NRG1: variants seen among roughly 807,000 people sequenced by gnomAD.
The protein encoded by NRG1 is pro-neuregulin-1, membrane-bound isoform.
In NRG1, 18 loss-of-function variants were observed where a neutral mutation model predicts 63.8. The observed-to-expected ratio is 0.28, with a 90% confidence interval of 0.19 to 0.42. The LOEUF is 0.42. Ranked by LOEUF, NRG1 falls within the 10% of genes least tolerant of loss-of-function variation. NRG1 has a pLI of 1.00. For missense variants in NRG1, 762 were observed against 814.7 expected, an observed-to-expected ratio of 0.94 and a Z score of 0.79; for synonymous variants, 302 against 301.3, an observed-to-expected ratio of 1.00 and a Z score of -0.02.
At chr8:32,343,326 A>G (rs780008636) in intron 1 of NRG1, among the ~76,000 whole-genome samples, 1 of 152,192 alleles carries the variant, frequency 6.6e-6, no homozygotes, top group Non-Finnish European at 1.5e-5. Flanking sequence ...AGAGAATAAT[A>G]TCATATTTAA....
chr8:31,956,731 A>G (rs1804502682), intron 1 of NRG1, among the ~76,000 whole-genome samples: 1 of 152,252 alleles, frequency 6.6e-6, no homozygotes. Context: ...TCTTGTAAGC[A>G]GCAGAACTGG....
chr8:32,484,808 T>A (rs1226138288), intron 1 of NRG1, among the ~76,000 whole-genome samples: 1 of 152,216 alleles, frequency 6.6e-6, no homozygotes. Context: ...TGGAAACATT[T>A]CATGTTTAGA....
intron 1 of NRG1, among the ~76,000 whole-genome samples, chr8:32,152,995 A>G (rs561516924): frequency 5.3e-5 from 8 of 152,198 alleles, no homozygotes; most frequent in Admixed American, 1.3e-4. Flanking sequence ...GAGAAGGCAT[A>G]CTGTATTATG....
At chr8:32,060,345 G>A (rs913179640) in intron 1 of NRG1, among the ~76,000 whole-genome samples, 4 of 151,696 alleles carry the variant, frequency 2.6e-5, no homozygotes, top group Non-Finnish European at 4.4e-5. Flanking sequence ...TGGGAATAGA[G>A]GAAACAGAGG....
intron 1 of NRG1, among the ~76,000 whole-genome samples, chr8:32,072,233 A>G (rs1825853209): frequency 6.6e-6 from 1 of 151,490 alleles, no homozygotes. Flanking sequence ...AGAACACCAG[A>G]GAACCACTCT....
chr8:32,527,992 T>C (rs1831051404), intron 1 of NRG1, among the ~76,000 whole-genome samples: 1 of 152,194 alleles, frequency 6.6e-6, no homozygotes, highest in Non-Finnish European at 1.5e-5. Flanking sequence ...GACTGGTACA[T>C]GTGCCGTTCC....
At chr8:32,329,973 A>C (rs960723556) in intron 1 of NRG1, among the ~76,000 whole-genome samples, 18 of 146,112 alleles carry the variant, frequency 1.2e-4, no homozygotes, top group Non-Finnish European at 1.9e-4. Context: ...CCCTGACCAC[A>C]AAGGGATCCT....
intron 1 of NRG1, among the ~76,000 whole-genome samples, chr8:32,571,985 T>C (rs1838684534): frequency 6.6e-6 from 1 of 152,194 alleles, no homozygotes; most frequent in Non-Finnish European, 1.5e-5. Context: ...TTATACACAG[T>C]TTATTGCTAG....
intron 1 of NRG1, among the ~76,000 whole-genome samples, chr8:31,902,009 G>T (rs1297873352): frequency 1.3e-5 from 2 of 152,106 alleles, no homozygotes; most frequent in African/African-American, 4.8e-5. Flanking sequence ...TAGGAAAGAT[G>T]TCAATAACTA....
chr8:32,349,294 T>C (rs1805294065), intron 1 of NRG1, among the ~76,000 whole-genome samples: 1 of 152,194 alleles, frequency 6.6e-6, no homozygotes, highest in Admixed American at 6.5e-5. Context: ...ATATGAAAAT[T>C]TCAAATCTTC....
At chr8:32,071,326 ACT>A (rs1482581482) in intron 1 of NRG1, among the ~76,000 whole-genome samples, 1 of 152,108 alleles carries the variant, frequency 6.6e-6, no homozygotes, top group Non-Finnish European at 1.5e-5. Flanking sequence ...TCAGTTGTTA[ACT>A]CTGTGCAGTC....
intron 1 of NRG1, among the ~76,000 whole-genome samples, chr8:31,853,390 A>C (rs1827471581): frequency 6.7e-6 from 1 of 149,902 alleles, no homozygotes; most frequent in Admixed American, 6.6e-5. Flanking sequence ...ATGGGAGTTC[A>C]CTCATGATTT....
At chr8:32,145,866 C>A (rs1353667030) in intron 1 of NRG1, among the ~76,000 whole-genome samples, 1 of 152,150 alleles carries the variant, frequency 6.6e-6, no homozygotes, top group East Asian at 1.9e-4. Flanking sequence ...GGAGTGTAAC[C>A]ACTGGTCCTT....
At chr8:32,499,948 C>T (rs941879680) in intron 1 of NRG1, among the ~76,000 whole-genome samples, 3 of 152,068 alleles carry the variant, frequency 2.0e-5, no homozygotes, top group African/African-American at 7.2e-5. Context: ...ACATTAATTA[C>T]AAGATGGCAG....
intron 1 of NRG1, among the ~76,000 whole-genome samples, chr8:32,267,092 G>A (rs1851039089): frequency 7.2e-6 from 1 of 139,750 alleles, no homozygotes; most frequent in South Asian, 2.3e-4. Flanking sequence ...GAGAAAGAGA[G>A]AGAAAGGAAG....
intron 1 of NRG1, among the ~76,000 whole-genome samples, chr8:32,295,511 C>T (rs1429138715): frequency 6.6e-6 from 1 of 152,124 alleles, no homozygotes; most frequent in Admixed American, 6.5e-5. Context: ...GACCTAACAT[C>T]TTATAATAGG....
chr8:32,442,447 T>G (rs1283547884), intron 1 of NRG1: 1 of 152,210 alleles, frequency 6.6e-6, no homozygotes, highest in Non-Finnish European at 1.5e-5. Flanking sequence ...GCAGCTCTGT[T>G]GTTGCTTATT....
At chr8:31,994,213 T>C (rs1216138230) in intron 1 of NRG1, among the ~76,000 whole-genome samples, 1 of 151,938 alleles carries the variant, frequency 6.6e-6, no homozygotes, top group Admixed American at 6.6e-5. Flanking sequence ...AGAGGAGTGC[T>C]TCAGATTGAG....
At chr8:31,899,104 G>A (rs35879927) in intron 1 of NRG1, among the ~76,000 whole-genome samples, 10,589 of 132,558 alleles carry the variant, frequency 0.08, 465 homozygotes, top group South Asian at 0.22. Flanking sequence ...AAATTTTTAA[G>A]TTTCCTTTTT....
Sources: gnomAD v4.1 joint callset for allele counts (sites outside exome capture counted in the v4.1 genomes callset) on GRCh38, gnomAD v4.1.1 for gene constraint, MANE v1.5 for transcripts, NCBI Gene and HGNC (gene_info 2026-07-23, HGNC 2026-07-21) for gene names.